UGT3A1: variants seen among roughly 807,000 people sequenced by gnomAD.
UGT3A1 encodes UDP glycosyltransferase family 3 member A1.
A neutral mutation model predicts 37.6 loss-of-function variants in UGT3A1; 40 were observed. The observed-to-expected ratio is 1.06, with a 90% CI of 0.83 to 1.38. UGT3A1 has a LOEUF of 1.38. Ranked by LOEUF, UGT3A1 falls within the 40% of genes most tolerant of loss-of-function variation. The pLI is 0.00. For synonymous variants in UGT3A1, 256 were observed against 232.3 expected, an observed-to-expected ratio of 1.10 and a Z score of -0.93; for missense variants, 642 against 634.2, an observed-to-expected ratio of 1.01 and a Z score of -0.13.
intron 6 of UGT3A1, 34 bp from the exon 7 acceptor site, chr5:35,954,512 C>A: frequency 1.2e-6 from 2 of 1,605,028 alleles, no homozygotes; most frequent in Non-Finnish European, 1.7e-6. Context: ...GTGTTACTGA[C>A]GTAGCCTCAC....
In UGT3A1 at chr5:35,954,025, A is replaced by T; in HGVS notation, c.*177T>A. The T allele has an allele frequency of 1.5e-6, 1 of 689,626 alleles. No homozygotes were observed. The highest frequency in any genetic ancestry group is 2.3e-6 in the Non-Finnish European group (1 of 426,092). The allele number at this position is 689,626 out of a possible 1,614,324, so 42.7% of individuals were successfully genotyped here. On this transcript the variant is annotated 3_prime_UTR_variant, in exon 7 of 7. Transcript: ENST00000274278. ...GTTTCAAGTCACAAGGGGCAAGTCA[A>T]GAAGCCTCAGTGGTGCGTGAAGATT...
intron 2 of UGT3A1, among the ~76,000 whole-genome samples, chr5:35,996,993 T>C (rs1281514679): frequency 6.6e-6 from 1 of 152,138 alleles, no homozygotes; most frequent in Non-Finnish European, 1.5e-5. Context: ...AAGAAACCCC[T>C]ACTCAATCTT....
Position 35,954,046 on chromosome 5 carries a change from A to G in UGT3A1, c.*156T>C, listed in dbSNP as rs538480882. ...GTCAAGAAGCCTCAGTGGTGCGTGA[A>G]GATTTCTAAACAGAGGCAGAGAATA... On this transcript the variant is annotated 3_prime_UTR_variant, in exon 7 of 7. Coordinates refer to ENST00000274278, the MANE Select transcript of UGT3A1 (RefSeq NM_152404.4). 8 of 815,344 alleles carry G rather than the reference A, an allele frequency of 9.8e-6. No individual in the cohort carries two copies. In the African/African-American group the frequency reaches 1.0e-4, roughly 11 times the overall value. The allele number at this position is 815,344 out of a possible 1,614,324, so 50.5% of individuals were successfully genotyped here. A position where few individuals can be genotyped will look rare whatever the true frequency, so the allele number is the denominator to read the frequency against.
In UGT3A1 at chr5:35,960,009, A is replaced by T. The variant is rs373816257; in HGVS notation, c.844-2590T>A. On this transcript the variant is annotated intron_variant, in intron 4 of 6. Coordinates refer to ENST00000274278, the MANE Select transcript of UGT3A1 (RefSeq NM_152404.4). Reference sequence around the variant, plus strand: ...AGGAGGTGAAAGATTTTACATTTAAAACATGAACATTTTGCTGAAAGAAAG... The same window carrying T: ...AGGAGGTGAAAGATTTTACATTTAATACATGAACATTTTGCTGAAAGAAAG... Among the ~76,000 whole-genome samples, 19 of 152,334 alleles carry T rather than the reference A, an allele frequency of 1.2e-4. 2 individuals carry two copies. The highest frequency in any genetic ancestry group is 8.3e-4 in the South Asian group (4 of 4,822).
rs1007543137 is a variant in UGT3A1, at chr5:35,977,100, G to C, written c.197-8967C>G. Among the ~76,000 whole-genome samples, 9 of 59,362 alleles carry C rather than the reference G, an allele frequency of 1.5e-4. 2 individuals carry two copies. The highest frequency in any genetic ancestry group is 5.3e-4 in the African/African-American group (9 of 16,850). 38.9% of individuals were successfully genotyped at this position (59,362 alleles called of 152,430 possible). The stretch of plus-strand genomic sequence containing the variant: ...AAAGAAAGAAAGAAAGAGAAAGAAA[G>C]AAAGAGAAAGAGAGAAAGAAAAGAA... On this transcript the variant is annotated intron_variant, in intron 2 of 6. Coordinates refer to ENST00000274278, the MANE Select transcript of UGT3A1 (RefSeq NM_152404.4).
intron 2 of UGT3A1, among the ~76,000 whole-genome samples, chr5:35,985,418 G>C (rs1454924282): frequency 2.0e-5 from 3 of 152,118 alleles, no homozygotes; most frequent in Admixed American, 6.5e-5. Flanking sequence ...TGAGCAAAAA[G>C]ATGAAAGCCA....
intron 2 of UGT3A1, among the ~76,000 whole-genome samples, chr5:35,996,778 A>G (rs1741106198): frequency 6.6e-6 from 1 of 152,236 alleles, no homozygotes; most frequent in South Asian, 2.1e-4. Flanking sequence ...GAAGTGGAGC[A>G]GAGAAGGAAA....
At position 35,965,621 on chromosome 5, in the gene UGT3A1, T is replaced by G. The variant is rs772915706; in HGVS notation, c.608A>C (p.Asn203Thr). 3.1e-6 allele frequency: 5 copies of G among 1,614,072 alleles called. No homozygotes were observed. Among genetic ancestry groups the G allele is most frequent in the Non-Finnish European group, 2.5e-6 (3 of 1,180,002 alleles). ...DHMDFWGRVKNFLMFFSFSRS... is the reference protein window; with the variant it reads ...DHMDFWGRVKTFLMFFSFSRS... ...GGAGAAACTAAAGAACATCAGAAAA[T>G]TCTTCACTCGGCCCCAGAAGTCCAT... Residue 203 changes from asparagine to threonine, a missense_variant, in exon 4 of 7, where the codon AAT becomes ACT. By Grantham distance (65) the Asn-to-Thr change is moderately conservative. Coordinates refer to ENST00000274278, the MANE Select transcript of UGT3A1 (RefSeq NM_152404.4).
At chr5:35,977,344 T>A (rs978029682) in intron 2 of UGT3A1, among the ~76,000 whole-genome samples, 7 of 152,140 alleles carry the variant, frequency 4.6e-5, no homozygotes, top group African/African-American at 1.7e-4. Flanking sequence ...TATGAATGAA[T>A]CTTTAAATAA....
Position 35,951,975 on chromosome 5 carries a change from C to A in UGT3A1, c.*2227G>T, listed in dbSNP as rs1026656484. The A allele has an allele frequency of 2.0e-5, 3 of 152,130 alleles. No individual in the cohort carries two copies. The highest frequency in any genetic ancestry group is 6.5e-5 in the Admixed American group (1 of 15,288). 9.4% of individuals were successfully genotyped at this position (152,130 alleles called of 1,614,324 possible). A position where few individuals can be genotyped will look rare whatever the true frequency, so the allele number is the denominator to read the frequency against. ...GTTCTATAACAAGATAAATAGGAAC[C>A]AGTCCCTGTCTTTATGACCTTATGG... On this transcript the variant is annotated 3_prime_UTR_variant, in exon 7 of 7. Coordinates refer to ENST00000274278, the MANE Select transcript of UGT3A1 (RefSeq NM_152404.4).
chr5:35,969,375 G>T (rs1263808781), intron 2 of UGT3A1, among the ~76,000 whole-genome samples: 1 of 152,088 alleles, frequency 6.6e-6, no homozygotes, highest in African/African-American at 2.4e-5. Flanking sequence ...TAAGCCTTGG[G>T]TCTCTCAAAA....
At chr5:35,995,776 C>T (rs910457238), upstream of UGT3A1, among the ~76,000 whole-genome samples, 1 of 152,138 alleles carries the variant, frequency 6.6e-6, no homozygotes, top group Non-Finnish European at 1.5e-5. Flanking sequence ...TAAAATCCAA[C>T]AATGCTGCCA....
intron 4 of UGT3A1, chr5:35,962,982 A>G (rs1739651401): frequency 1.4e-6 from 1 of 701,554 alleles, no homozygotes. Flanking sequence ...GGTGTCCCTC[A>G]TTTCCCTTCC....
chr5:35,989,423 A>T (rs1300882379), intron 1 of UGT3A1, among the ~76,000 whole-genome samples: 1 of 152,234 alleles, frequency 6.6e-6, no homozygotes, highest in African/African-American at 2.4e-5. Context: ...AAGAGAAATT[A>T]ATGGAAAAAT....
At chr5:35,966,076 T>A (rs16902670) in intron 3 of UGT3A1, among the ~76,000 whole-genome samples, 159 bp from the exon 4 acceptor site, 7 of 152,162 alleles carry the variant, frequency 4.6e-5, no homozygotes, top group Admixed American at 4.6e-4. Flanking sequence ...TCAGCTCTGG[T>A]CACTCTGGTC....
chr5:35,955,437 T>G (rs1318675920), intron 6 of UGT3A1: 2 of 630,316 alleles, frequency 3.2e-6, no homozygotes, highest in Non-Finnish European at 2.8e-6. Context: ...ATCACAGCCT[T>G]AAGGTAGGAA....
intron 2 of UGT3A1, among the ~76,000 whole-genome samples, chr5:35,978,659 G>A (rs1467723529): frequency 6.6e-6 from 1 of 152,084 alleles, no homozygotes; most frequent in Non-Finnish European, 1.5e-5. Flanking sequence ...AGATTTGGGT[G>A]GGGACACAGC....
At position 35,965,854 on chromosome 5, in the gene UGT3A1, T is replaced by A. The variant is rs1182095427; in HGVS notation, c.375A>T (p.Leu125=). 5 of 1,610,256 alleles carry A rather than the reference T, an allele frequency of 3.1e-6. No homozygotes were observed. The African/African-American group carries it at 5.3e-5, about 17-fold the overall frequency. ...EIFGTQCSYL[L]SRKDIMDSLK... is the part of the protein sequence containing the mutation. Reference sequence around the variant, plus strand: ...AGGAATCCATTATATCCTTTCTGCTTAGCAAATAACTACATTGAGTCCCAA... The same window carrying A: ...AGGAATCCATTATATCCTTTCTGCTAAGCAAATAACTACATTGAGTCCCAA... The change falls in exon 4 of 7, where the codon CTA becomes CTT. Residue 125 remains leucine (L), a synonymous_variant. Transcript: ENST00000274278.
intron 2 of UGT3A1, among the ~76,000 whole-genome samples, chr5:35,976,834 A>AAG (rs1308618070): frequency 9.8e-3 from 1 of 102 alleles, no homozygotes; most frequent in East Asian, 0.025. Context: ...TGCTTGCCTC[A>AAG]AAAATAATAT....
Sources: allele counts gnomAD v4.1 joint callset (sites outside exome capture counted in the v4.1 genomes callset), GRCh38; gene constraint gnomAD v4.1.1; transcripts MANE v1.5; gene names NCBI Gene and HGNC (gene_info 2026-07-23, HGNC 2026-07-21).